The following BICC1 variants were observed in gnomAD, a reference collection of about 807,000 sequenced individuals.
The protein encoded by BICC1 is protein bicaudal C homolog 1.
In BICC1, 43 loss-of-function variants were observed where a neutral mutation model predicts 111.0. The observed-to-expected ratio is 0.39, with a 90% CI of 0.30 to 0.50. The LOEUF (loss-of-function observed/expected upper bound fraction) is 0.50. Among genes scored for constraint, BICC1 ranks in the 20% least tolerant of loss-of-function variants. BICC1 has a pLI of 0.88. For synonymous variants in BICC1, 467 were observed against 434.4 expected, an observed-to-expected ratio of 1.07 and a Z score of -0.93; for missense variants, 1,091 against 1,203.2, an observed-to-expected ratio of 0.91 and a Z score of 1.38.
rs566274687 is a variant in BICC1, at chr10:58,614,797, T to C, written c.191-6058T>C. ...AAGGAAGTTTGTGTAATAAATATAGTTGTATAATGAAATTTCAACAGATGA... is the reference window on the plus strand; with the variant it reads ...AAGGAAGTTTGTGTAATAAATATAGCTGTATAATGAAATTTCAACAGATGA... On this transcript the variant is annotated intron_variant, in intron 1 of 20. Transcript: ENST00000373886. Among the ~76,000 whole-genome samples the C allele has an allele frequency of 5.3e-5, 8 of 152,290 alleles. No individual in the cohort carries two copies. The South Asian group carries it at 1.7e-3, about 32-fold the overall frequency.
chr10:58,660,497 AG>A (rs1188138949), intron 2 of BICC1, among the ~76,000 whole-genome samples: 1 of 151,944 alleles, frequency 6.6e-6, no homozygotes, highest in Non-Finnish European at 1.5e-5. Context: ...AAAAAAAAAA[AG>A]AGTTCATTCT....
intron 2 of BICC1, among the ~76,000 whole-genome samples, chr10:58,667,902 T>C (rs10826215): frequency 0.25 from 38,215 of 151,988 alleles, 6,103 homozygotes; most frequent in African/African-American, 0.46. Context: ...GCATGCCTGC[T>C]TAATCAGGTT....
chr10:58,584,959 G>A (rs1844389523), intron 1 of BICC1, among the ~76,000 whole-genome samples: 1 of 152,036 alleles, frequency 6.6e-6, no homozygotes, highest in Non-Finnish European at 1.5e-5. Flanking sequence ...TAAAAATTTA[G>A]CATAAATAAA....
chr10:58,815,040 TC>T (rs1230826504), intron 18 of BICC1, among the ~76,000 whole-genome samples: 1 of 152,176 alleles, frequency 6.6e-6, no homozygotes, highest in African/African-American at 2.4e-5. Flanking sequence ...GCACCCATAC[TC>T]CTGGGCTGTA....
intron 19 of BICC1, 27 bp from the exon 20 acceptor site, chr10:58,820,342 G>C (rs1473435658): frequency 3.4e-6 from 5 of 1,464,498 alleles, no homozygotes; most frequent in Admixed American, 3.4e-5. Flanking sequence ...TAATACATTG[G>C]TTATAGATTG....
chr10:58,767,350 A>G (rs1842484927), intron 3 of BICC1, among the ~76,000 whole-genome samples: 1 of 152,194 alleles, frequency 6.6e-6, no homozygotes, highest in Non-Finnish European at 1.5e-5. Flanking sequence ...TCCCAAGAGA[A>G]AGCAAAAAGA....
At chr10:58,663,721 C>T (rs1588989990) in intron 2 of BICC1, among the ~76,000 whole-genome samples, 1 of 152,184 alleles carries the variant, frequency 6.6e-6, no homozygotes, top group South Asian at 2.1e-4. Context: ...CATCCCGAAA[C>T]CATCTCCCTG....
intron 1 of BICC1, among the ~76,000 whole-genome samples, chr10:58,601,140 T>TTATATATATATATATATATATA (rs71033690): frequency 3.9e-4 from 39 of 100,648 alleles, no homozygotes; most frequent in Non-Finnish European, 5.7e-4. Flanking sequence ...ATTTTAAAAC[T>TTATATATATATATATATATATA]TATATATATA....
At chr10:58,728,854 A>C (rs924331271) in intron 3 of BICC1, among the ~76,000 whole-genome samples, 1 of 152,134 alleles carries the variant, frequency 6.6e-6, no homozygotes, top group Non-Finnish European at 1.5e-5. Flanking sequence ...GTCAATGAGC[A>C]GTAATATTTT....
At chr10:58,699,596 A>G (rs180962833) in intron 2 of BICC1, among the ~76,000 whole-genome samples, 3 of 152,324 alleles carry the variant, frequency 2.0e-5, no homozygotes, top group East Asian at 1.9e-4. Context: ...GGATTAAGCA[A>G]CTGCATTATT....
intron 2 of BICC1, among the ~76,000 whole-genome samples, chr10:58,642,146 A>C (rs1344637613): frequency 1.3e-5 from 2 of 152,098 alleles, no homozygotes; most frequent in Admixed American, 1.3e-4. Context: ...TAGAATTATT[A>C]ATTAATTGGT....
In BICC1 at chr10:58,723,539, G is replaced by A. The variant is rs187966717; in HGVS notation, c.307+21396G>A. Among the ~76,000 whole-genome samples, 3 of 152,314 alleles carry A rather than the reference G, an allele frequency of 2.0e-5. No homozygotes were observed. In the East Asian group the frequency reaches 5.8e-4, roughly 29 times the overall value. ...AAAGCAGAGAGGGGTTATCTTTGGTGAGACGGGTATGGCAGAAAGCCTGAG... is the reference window on the plus strand; with the variant it reads ...AAAGCAGAGAGGGGTTATCTTTGGTAAGACGGGTATGGCAGAAAGCCTGAG... On this transcript the variant is annotated intron_variant, in intron 3 of 20. Coordinates refer to ENST00000373886, the MANE Select transcript of BICC1 (RefSeq NM_001080512.3).
intron 3 of BICC1, among the ~76,000 whole-genome samples, chr10:58,748,986 A>G (rs928221022): frequency 6.6e-6 from 1 of 152,124 alleles, no homozygotes; most frequent in Non-Finnish European, 1.5e-5. Context: ...CCACTAAATA[A>G]TGGTTTGGTT....
intron 2 of BICC1, among the ~76,000 whole-genome samples, chr10:58,674,426 A>G (rs947809126): frequency 6.6e-6 from 1 of 152,182 alleles, no homozygotes; most frequent in African/African-American, 2.4e-5. Context: ...CTTTGGGCAA[A>G]TGAGTAATTT....
intron 1 of BICC1, among the ~76,000 whole-genome samples, chr10:58,530,076 G>T (rs1183180018): frequency 6.6e-6 from 1 of 151,624 alleles, no homozygotes; most frequent in Admixed American, 6.6e-5. Context: ...AATTAAATGA[G>T]GCCCTTTACC....
At chr10:58,597,623 G>A (rs965298656) in intron 1 of BICC1, among the ~76,000 whole-genome samples, 3 of 151,890 alleles carry the variant, frequency 2.0e-5, no homozygotes, top group African/African-American at 7.3e-5. Flanking sequence ...GAGACCAGGG[G>A]GTATCTCAGT....
intron 2 of BICC1, among the ~76,000 whole-genome samples, chr10:58,637,665 G>A (rs918504234): frequency 1.3e-5 from 2 of 152,178 alleles, no homozygotes; most frequent in African/African-American, 4.8e-5. Context: ...ATGAATAGTG[G>A]GAGCCTTTCA....
chr10:58,513,287 G>A lies in BICC1; in HGVS notation c.144G>A (p.Glu48=), dbSNP rs777329269. Reference sequence around the variant, plus strand: ...CCCTGCACAGCCCGGAGTGGAGCGAGGAGCGCTTCCGCGTGGACAGGAAGA... The same window carrying A: ...CCCTGCACAGCCCGGAGTGGAGCGAAGAGCGCTTCCGCGTGGACAGGAAGA... ...GATLHSPEWS[E]ERFRVDRKKL... Residue 48 remains glutamate, a synonymous_variant, in exon 1 of 21, where the codon GAG becomes GAA. Transcript: ENST00000373886. 1 of 1,612,126 alleles carries A rather than the reference G, an allele frequency of 6.2e-7. No individual in the cohort carries two copies. The highest frequency in any genetic ancestry group is 8.5e-7 in the Non-Finnish European group (1 of 1,178,984).
At chr10:58,731,812 A>C (rs1841307166) in intron 3 of BICC1, among the ~76,000 whole-genome samples, 1 of 152,030 alleles carries the variant, frequency 6.6e-6, no homozygotes, top group South Asian at 2.1e-4. Flanking sequence ...TCATGACAGT[A>C]CCAAGAGGGA....
Sources: allele counts gnomAD v4.1 joint callset (sites outside exome capture counted in the v4.1 genomes callset), GRCh38; gene constraint gnomAD v4.1.1; transcripts MANE v1.5; gene names NCBI Gene and HGNC (gene_info 2026-07-23, HGNC 2026-07-21).